The following MAML2 variants were observed in gnomAD, a reference collection of about 807,000 sequenced individuals.
MAML2 encodes mastermind like transcriptional coactivator 2.
In MAML2, 22 loss-of-function variants were observed where a neutral mutation model predicts 96.1. That is an observed-to-expected ratio of 0.23 (90% confidence interval 0.16 to 0.33). The LOEUF (loss-of-function observed/expected upper bound fraction) is 0.33. Ranked by LOEUF, MAML2 falls within the 10% of genes least tolerant of loss-of-function variation. The probability of loss-of-function intolerance (pLI) is 1.00; values close to 1 mark genes in which losing one functional copy is unlikely to be tolerated. For synonymous variants in MAML2, 561 were observed against 521.3 expected, an observed-to-expected ratio of 1.08 and a Z score of -1.04; for missense variants, 1,367 against 1,392.4, an observed-to-expected ratio of 0.98 and a Z score of 0.29.
chr11:96,167,069 G>A (rs1037116588), intron 1 of MAML2, among the ~76,000 whole-genome samples: 31 of 152,140 alleles, frequency 2.0e-4, no homozygotes, highest in African/African-American at 7.5e-4. Context: ...TCCCTGGAAG[G>A]ACTGACAGGT....
At chr11:96,067,325 A>T (rs1348039943) in intron 2 of MAML2, among the ~76,000 whole-genome samples, 1 of 152,232 alleles carries the variant, frequency 6.6e-6, no homozygotes, top group Non-Finnish European at 1.5e-5. Context: ...TCTTCAAGAC[A>T]CGGACTGCCT....
intron 1 of MAML2, among the ~76,000 whole-genome samples, chr11:96,240,581 A>AAAAAAAAG: frequency 6.7e-6 from 1 of 148,628 alleles, no homozygotes; most frequent in Non-Finnish European, 1.5e-5. Flanking sequence ...AAAAAAAAAA[A>AAAAAAAAG]AAGAAAGCTG....
At chr11:96,243,810 C>T (rs576464828) in intron 1 of MAML2, among the ~76,000 whole-genome samples, 65 of 152,220 alleles carry the variant, frequency 4.3e-4, no homozygotes, top group Non-Finnish European at 8.4e-4. Context: ...CACGCCACCA[C>T]GCCTGGCTAA....
chr11:96,170,805 C>T (rs1341785754), intron 1 of MAML2, among the ~76,000 whole-genome samples: 3 of 152,286 alleles, frequency 2.0e-5, no homozygotes, highest in Middle Eastern at 6.8e-3. Context: ...AGCTCCGCCT[C>T]CCGGGTTCAC....
At chr11:95,980,138 A>G (rs1459883949) in intron 4 of MAML2, among the ~76,000 whole-genome samples, 175 bp from the exon 5 acceptor site, 2 of 152,228 alleles carry the variant, frequency 1.3e-5, no homozygotes, top group Non-Finnish European at 2.9e-5. Flanking sequence ...AGGAAGGAGC[A>G]CCTGAGGTCA....
intron 1 of MAML2, among the ~76,000 whole-genome samples, chr11:96,291,831 A>G (rs1475616704): frequency 6.6e-6 from 1 of 152,174 alleles, no homozygotes; most frequent in Non-Finnish European, 1.5e-5. Context: ...TGTAGAGAAC[A>G]ATCACTTGCC....
chr11:96,053,560 G>A (rs1859018989), intron 2 of MAML2, among the ~76,000 whole-genome samples: 1 of 152,086 alleles, frequency 6.6e-6, no homozygotes, highest in Non-Finnish European at 1.5e-5. Context: ...ATGTCCTTTG[G>A]GACGGGAAAC....
chr11:96,049,871 A>G (rs2135766193), intron 2 of MAML2, among the ~76,000 whole-genome samples: 1 of 152,328 alleles, frequency 6.6e-6, no homozygotes, highest in African/African-American at 2.4e-5. Context: ...TCACTGGTCA[A>G]AAATTTCCCT....
intron 2 of MAML2, among the ~76,000 whole-genome samples, chr11:96,032,874 G>A (rs1366244369): frequency 6.6e-6 from 1 of 152,212 alleles, no homozygotes; most frequent in East Asian, 1.9e-4. Flanking sequence ...TGCCAGGACT[G>A]AAGGTGGGGG....
At chr11:96,107,874 GC>G (rs1176909812) in intron 1 of MAML2, among the ~76,000 whole-genome samples, 2 of 152,192 alleles carry the variant, frequency 1.3e-5, no homozygotes, top group East Asian at 3.8e-4. Flanking sequence ...GAAGCTTTGA[GC>G]CTCTTTCCAC....
chr11:96,070,565 G>A (rs928666559), intron 2 of MAML2, among the ~76,000 whole-genome samples: 1 of 152,260 alleles, frequency 6.6e-6, no homozygotes, highest in African/African-American at 2.4e-5. Flanking sequence ...GCCTTGCAGA[G>A]AGCTGGTACC....
At chr11:96,047,429 G>A (rs956513531) in intron 2 of MAML2, among the ~76,000 whole-genome samples, 39 of 152,066 alleles carry the variant, frequency 2.6e-4, no homozygotes, top group Admixed American at 1.6e-3. Flanking sequence ...TTTAAGTGGG[G>A]TTAATAAAAT....
At chr11:96,300,033 T>C (rs1181829510) in intron 1 of MAML2, among the ~76,000 whole-genome samples, 3 of 151,956 alleles carry the variant, frequency 2.0e-5, no homozygotes, top group Non-Finnish European at 2.9e-5. Flanking sequence ...GTGGAGATAA[T>C]AGAGGTTTTA....
intron 2 of MAML2, among the ~76,000 whole-genome samples, chr11:96,053,103 C>CAAGG (rs1293358508): frequency 6.6e-6 from 1 of 152,224 alleles, no homozygotes; most frequent in African/African-American, 2.4e-5. Context: ...TTGGCAAAGA[C>CAAGG]AAGGTGTCTT....
chr11:96,239,019 T>C (rs1219280276), intron 1 of MAML2, among the ~76,000 whole-genome samples: 1 of 152,210 alleles, frequency 6.6e-6, no homozygotes, highest in Non-Finnish European at 1.5e-5. Context: ...GGCACAAGCT[T>C]GCCAGCTAGG....
intron 2 of MAML2, among the ~76,000 whole-genome samples, chr11:96,064,774 C>T (rs1258714659): frequency 1.3e-5 from 2 of 152,150 alleles, no homozygotes; most frequent in African/African-American, 4.8e-5. Context: ...GTGAAAGGAA[C>T]TAACAATGTA....
At chr11:96,250,665 A>C (rs564192503) in intron 1 of MAML2, among the ~76,000 whole-genome samples, 1 of 152,230 alleles carries the variant, frequency 6.6e-6, no homozygotes, top group South Asian at 2.1e-4. Flanking sequence ...GGAAGCTACT[A>C]TCACCTTCTC....
At chr11:96,209,230 G>A (rs928749316) in intron 1 of MAML2, among the ~76,000 whole-genome samples, 27 of 107,614 alleles carry the variant, frequency 2.5e-4, no homozygotes, top group Non-Finnish European at 1.7e-5. Context: ...CTTTTTTTGG[G>A]TGGGGGGTGG....
At chr11:96,100,401 C>T (rs537511059) in intron 1 of MAML2, among the ~76,000 whole-genome samples, 1 of 152,064 alleles carries the variant, frequency 6.6e-6, no homozygotes, top group South Asian at 2.1e-4. Flanking sequence ...CCTCCGCCTC[C>T]CAGGTTCATG....
Sources: gnomAD v4.1 joint callset for allele counts (sites outside exome capture counted in the v4.1 genomes callset) on GRCh38, gnomAD v4.1.1 for gene constraint, MANE v1.5 for transcripts, NCBI Gene and HGNC (gene_info 2026-07-23, HGNC 2026-07-21) for gene names.